Variants in TIMP1 observed in about 807,000 individuals in gnomAD.
TIMP1 encodes metalloproteinase inhibitor 1.
In TIMP1, 5 loss-of-function variants were observed where a neutral mutation model predicts 13.7. That is an observed-to-expected ratio of 0.36 (90% confidence interval 0.19 to 0.76). TIMP1 has a LOEUF of 0.76. Among genes scored for constraint, TIMP1 ranks in the 30% least tolerant of loss-of-function variants. The pLI is 0.51. For synonymous variants in TIMP1, 63 were observed against 67.1 expected, an observed-to-expected ratio of 0.94 and a Z score of 0.30; for missense variants, 131 against 168.4, an observed-to-expected ratio of 0.78 and a Z score of 1.23.
rs369102245 is a variant in TIMP1 at position 47,583,548 on chromosome X, C to T, written c.121+12C>T. The T allele has an allele frequency of 8.5e-5, 100 of 1,180,087 alleles. No individual in the cohort carries two copies. The African/African-American group carries it at 1.6e-3, about 19-fold the overall frequency. ...CAATTCCGACCTCGGTGAGTCCTCA[C>T]CCCACTCAGCCCACACACTCTGCCT... On this transcript the variant is annotated intron_variant, in intron 2 of 5. Coordinates refer to ENST00000218388, the MANE Select transcript of TIMP1 (RefSeq NM_003254.3).
intron 1 of TIMP1, 149 bp downstream of exon 1, chrX:47,582,623 A>G (rs370683239): frequency 1.2e-4 from 41 of 350,441 alleles, no homozygotes; most frequent in East Asian, 6.9e-4. Flanking sequence ...TAGGGGGAAG[A>G]GGGTCGGAGG....
chrX:47,583,363 A>C, intron 1 of TIMP1, 45 bp from the exon 2 acceptor site: 2 of 1,158,080 alleles, frequency 1.7e-6, no homozygotes, highest in Non-Finnish European at 2.3e-6. Flanking sequence ...CCAGGTCAGC[A>C]GATCAGCTGG....
chrX:47,585,470 C>T (rs1437528338), intron 4 of TIMP1, 73 bp from the exon 5 acceptor site: 7 of 1,189,773 alleles, frequency 5.9e-6, no homozygotes, highest in African/African-American at 3.5e-5. Flanking sequence ...ATCAGAAGGC[C>T]GGGCCTTTGG....
At chrX:47,585,156 T>G (rs1433268737) in intron 3 of TIMP1, 49 bp from the exon 4 acceptor site, 2 of 1,165,284 alleles carry the variant, frequency 1.7e-6, no homozygotes, top group African/African-American at 3.6e-5. Flanking sequence ...GAACCTGGAG[T>G]GGGAGGATTA....
chrX:47,586,242 C>G (rs1289135129), intron 5 of TIMP1: 23 of 751,606 alleles, frequency 3.1e-5, no homozygotes, highest in Non-Finnish European at 3.6e-5. Context: ...GCCAGTTTTT[C>G]CCTGTCCTTT....
rs2057802539 is a variant in TIMP1, at chrX:47,582,485, CCCGGGGTGGCCCAGCAGGGA to C, written c.-9+16_-9+35del. On this transcript the variant is annotated intron_variant, in intron 1 of 5. Coordinates refer to ENST00000218388, the MANE Select transcript of TIMP1 (RefSeq NM_003254.3). Reference sequence around the variant, plus strand: ...AGAGAGACACCAGAGGTAAGCAGGGCCCGGGGTGGCCCAGCAGGGACCGGAGCTGGGCTGCAGCTTGGGTG... The same window carrying C: ...AGAGAGACACCAGAGGTAAGCAGGGCCCGGAGCTGGGCTGCAGCTTGGGTG... The C allele has an allele frequency of 1.4e-5, 4 of 294,642 alleles. No homozygotes were observed. The highest frequency in any genetic ancestry group is 6.9e-6 in the Non-Finnish European group (1 of 145,049). The allele number at this position is 294,642 out of a possible 1,213,427, so 24.3% of individuals were successfully genotyped here. A position where few individuals can be genotyped will look rare whatever the true frequency, so the allele number is the denominator to read the frequency against.
chrX:47,583,640 T>C, intron 2 of TIMP1, 104 bp downstream of exon 2: 1 of 942,513 alleles, frequency 1.1e-6, no homozygotes, highest in East Asian at 3.4e-5. Flanking sequence ...CACTCGCCCC[T>C]GCACTTCCTC....
At chrX:47,582,688 C>T (rs1213191914) in intron 1 of TIMP1, 9 of 270,875 alleles carry the variant, frequency 3.3e-5, no homozygotes, top group Admixed American at 1.8e-4. Context: ...CCCTGACATC[C>T]GCCCCCAATT....
Position 47,582,474 on chromosome X carries a change from G to C in TIMP1, c.-9G>C. Reference sequence around the variant, plus strand: ...ATCCAGCGCCCAGAGAGACACCAGAGGTAAGCAGGGCCCGGGGTGGCCCAG... The same window carrying C: ...ATCCAGCGCCCAGAGAGACACCAGACGTAAGCAGGGCCCGGGGTGGCCCAG... On this transcript the variant is annotated splice_region_variant and 5_prime_UTR_variant, in exon 1 of 6. Transcript: ENST00000218388. 3.5e-6 allele frequency: 1 copy of C among 285,727 alleles called. No homozygotes were observed. Among genetic ancestry groups the C allele is most frequent in the East Asian group, 1.1e-4 (1 of 9,075 alleles). 23.5% of individuals were successfully genotyped at this position (285,727 alleles called of 1,213,427 possible).
chrX:47,585,785 C>T (rs2057822906), intron 5 of TIMP1, 118 bp downstream of exon 5: 1 of 1,158,556 alleles, frequency 8.6e-7, no homozygotes. Context: ...CTCCCCAACC[C>T]TAAGGGCTGT....
intron 1 of TIMP1, 106 bp downstream of exon 1, chrX:47,582,580 T>C (rs1335947272): frequency 8.2e-6 from 3 of 366,937 alleles, no homozygotes; most frequent in Admixed American, 5.4e-5. Context: ...TCTACTCAGC[T>C]TGGCCTGCGG....
chrX:47,584,818 C>A (rs2057815675), intron 2 of TIMP1, 118 bp from the exon 3 acceptor site: 31 of 556,714 alleles, frequency 5.6e-5, no homozygotes, highest in South Asian at 1.3e-4. Flanking sequence ...TGCTGTCTGG[C>A]ATCCAATAAC....
At position 47,585,982 on chromosome X, in the gene TIMP1, A is replaced by G. The variant is rs1360590778; in HGVS notation, c.453+315A>G. ...CCCCGGGATTGTTTCTTGGTTCCCC[A>G]GAATGTTCTCCAAGAACCCAAAGTG... is the stretch of plus-strand genomic sequence containing the variant. On this transcript the variant is annotated intron_variant, in intron 5 of 5. Transcript: ENST00000218388. 8 of 1,040,237 alleles carry G rather than the reference A, an allele frequency of 7.7e-6. No individual in the cohort carries two copies. The Admixed American group carries it at 2.1e-4, about 27-fold the overall frequency. The allele number at this position is 1,040,237 out of a possible 1,213,427, so 85.7% of individuals were successfully genotyped here.
chrX:47,583,180 C>A (rs1368608554), intron 1 of TIMP1, among the ~76,000 whole-genome samples: 1 of 100,797 alleles, frequency 9.9e-6, no homozygotes, highest in Non-Finnish European at 2.0e-5. Context: ...CATAACCCCG[C>A]AACTCACTCA....
intron 4 of TIMP1, 97 bp from the exon 5 acceptor site, chrX:47,585,446 C>T: frequency 8.4e-7 from 1 of 1,193,425 alleles, no homozygotes; most frequent in Non-Finnish European, 1.1e-6. Flanking sequence ...TGGGGACCAC[C>T]CCAATTTCAG....
At chrX:47,585,427 C>T in intron 4 of TIMP1, 96 bp downstream of exon 4, 2 of 1,195,801 alleles carry the variant, frequency 1.7e-6, no homozygotes, top group Non-Finnish European at 2.3e-6. Flanking sequence ...GGAATGGTCC[C>T]ACTGGAAATG....
rs1449836847 is a variant in TIMP1 at position 47,585,645 on chromosome X, C to T, written c.431C>T (p.Thr144Ile). ...AQRRGFTKTY[T>I]VGCEECTVFP... ...CGCCGGGGCTTCACCAAGACCTACA[C>T]TGTTGGCTGTGAGGAATGCACAGTG... Residue 144 changes from threonine to isoleucine, a missense_variant, in exon 5 of 6, where the codon ACT becomes ATT. Thr to Ile is a moderately conservative substitution (Grantham distance 89). Coordinates refer to ENST00000218388, the MANE Select transcript of TIMP1 (RefSeq NM_003254.3). 8.3e-7 allele frequency: 1 copy of T among 1,202,023 alleles called. No individual in the cohort carries two copies. Among genetic ancestry groups the T allele is most frequent in the Non-Finnish European group, 1.1e-6 (1 of 891,416 alleles).
chrX:47,584,106 G>A (rs779778496), intron 2 of TIMP1, among the ~76,000 whole-genome samples: 57 of 111,525 alleles, frequency 5.1e-4, no homozygotes, highest in African/African-American at 1.7e-3. Flanking sequence ...TGGCTAAACC[G>A]ACGTAACAGG....
chrX:47,585,947 G>A (rs868033123), intron 5 of TIMP1: 24 of 1,087,462 alleles, frequency 2.2e-5, no homozygotes, highest in South Asian at 3.9e-5. Context: ...CCCACTCCCC[G>A]TTCCTGAGCC....
Sources: gnomAD v4.1 joint callset for allele counts (sites outside exome capture counted in the v4.1 genomes callset) on GRCh38, gnomAD v4.1.1 for gene constraint, MANE v1.5 for transcripts, NCBI Gene and HGNC (gene_info 2026-07-23, HGNC 2026-07-21) for gene names.